The following LIG1 variants were observed in gnomAD, a reference collection of about 807,000 sequenced individuals.
LIG1 encodes ligase I, DNA, ATP-dependent.
A neutral mutation model predicts 115.7 loss-of-function variants in LIG1; 70 were observed. The ratio of observed to expected loss-of-function variants is 0.60; its 90% CI spans 0.50 to 0.74. The LOEUF is 0.74. Ranked by LOEUF, LIG1 falls within the 30% of genes least tolerant of loss-of-function variation. The probability of loss-of-function intolerance (pLI) is 0.00; values close to 1 mark genes in which losing one functional copy is unlikely to be tolerated. For missense variants in LIG1, 1,115 were observed against 1,225.6 expected, an observed-to-expected ratio of 0.91 and a Z score of 1.35; for synonymous variants, 487 against 495.3, an observed-to-expected ratio of 0.98 and a Z score of 0.22.
At chr19:48,123,407 C>G in intron 21 of LIG1, 89 bp from the exon 22 acceptor site, 1 of 1,450,838 alleles carries the variant, frequency 6.9e-7, no homozygotes, top group Non-Finnish European at 9.5e-7. Context: ...AGGACATGTG[C>G]GGGTCACAAC....
intron 11 of LIG1, among the ~76,000 whole-genome samples, chr19:48,141,497 C>T (rs556070314): frequency 6.6e-6 from 1 of 152,280 alleles, no homozygotes; most frequent in East Asian, 1.9e-4. Context: ...TTATTATTTC[C>T]ATTTTACGGA....
chr19:48,141,876 A>C (rs2034780393), intron 11 of LIG1, among the ~76,000 whole-genome samples: 1 of 152,190 alleles, frequency 6.6e-6, no homozygotes, highest in South Asian at 2.1e-4. Flanking sequence ...CAGCCCCCCC[A>C]AAATTCAGGT....
chr19:48,129,810 C>T (rs986647813), intron 19 of LIG1, among the ~76,000 whole-genome samples: 4 of 152,150 alleles, frequency 2.6e-5, no homozygotes, highest in African/African-American at 9.7e-5. Flanking sequence ...GGCTAGAGTA[C>T]AGTGGCCCGA....
At chr19:48,139,116 A>T (rs1490939844) in intron 12 of LIG1, among the ~76,000 whole-genome samples, 1 of 152,178 alleles carries the variant, frequency 6.6e-6, no homozygotes. Flanking sequence ...CATCCCTCCT[A>T]CACTGACCAG....
chr19:48,140,747 G>C (rs766711040), intron 11 of LIG1, among the ~76,000 whole-genome samples: 11 of 151,884 alleles, frequency 7.2e-5, no homozygotes, highest in Non-Finnish European at 1.3e-4. Context: ...TCCCACCCAG[G>C]AACAGAAGAC....
intron 9 of LIG1, among the ~76,000 whole-genome samples, chr19:48,144,494 G>A (rs1162927391): frequency 6.6e-6 from 1 of 152,130 alleles, no homozygotes; most frequent in Non-Finnish European, 1.5e-5. Flanking sequence ...TCAGACATGG[G>A]AGGAAGGGAC....
In LIG1 at chr19:48,162,233, A is replaced by G. The variant is rs1489518383; in HGVS notation, c.107+29T>C. On this transcript the variant is annotated intron_variant, in intron 3 of 27. Coordinates refer to ENST00000263274, the MANE Select transcript of LIG1 (RefSeq NM_000234.3). ...ACAATCCTGACTGCTAAAGGAAAAAATTCACCATATCCCAGCCCTGTGACA... is the reference window on the plus strand; with the variant it reads ...ACAATCCTGACTGCTAAAGGAAAAAGTTCACCATATCCCAGCCCTGTGACA... The G allele has an allele frequency of 1.9e-6, 3 of 1,582,712 alleles. No individual in the cohort carries two copies. In the Admixed American group the frequency reaches 5.0e-5, roughly 26 times the overall value.
chr19:48,120,868 C>T (rs1189897715), intron 24 of LIG1: 1 of 1,022,520 alleles, frequency 9.8e-7, no homozygotes, highest in Non-Finnish European at 1.2e-6. Context: ...CATCAGACTG[C>T]CCCCTCCACA....
At chr19:48,132,240 GC>G (rs1474842942) in intron 18 of LIG1, among the ~76,000 whole-genome samples, 1 of 152,070 alleles carries the variant, frequency 6.6e-6, no homozygotes, top group Admixed American at 6.5e-5. Context: ...AGGTGAGAAG[GC>G]CCCACACTTG....
At chr19:48,161,826 C>CCT (rs1555782019) in intron 3 of LIG1, among the ~76,000 whole-genome samples, 1 of 123,480 alleles carries the variant, frequency 8.1e-6, no homozygotes, top group Non-Finnish European at 1.6e-5. Context: ...ATTGGGATGC[C>CCT]TTTTTTTTTT....
intron 9 of LIG1, among the ~76,000 whole-genome samples, chr19:48,147,636 C>A (rs1306435223): frequency 2.7e-5 from 3 of 110,298 alleles, no homozygotes; most frequent in African/African-American, 1.3e-4. Context: ...CAGAGCAAGA[C>A]CCTGTCTTTA....
chr19:48,134,327 A>G (rs2034239606), intron 16 of LIG1, among the ~76,000 whole-genome samples: 1 of 152,050 alleles, frequency 6.6e-6, no homozygotes, highest in Non-Finnish European at 1.5e-5. Flanking sequence ...TCGGCTACAC[A>G]GGAGACCACT....
chr19:48,157,244 T>C (rs529695323), intron 4 of LIG1, 104 bp from the exon 5 acceptor site: 17 of 1,314,694 alleles, frequency 1.3e-5, no homozygotes, highest in Non-Finnish European at 1.7e-5. Flanking sequence ...CTACCCTCCT[T>C]TCTGACCCTA....
intron 11 of LIG1, among the ~76,000 whole-genome samples, chr19:48,142,289 A>C (rs1010746967): frequency 3.9e-5 from 6 of 151,918 alleles, no homozygotes; most frequent in East Asian, 3.9e-4. Context: ...CACACACACA[A>C]AAAATTAGTT....
Position 48,137,848 on chromosome 19 carries a change from T to G in LIG1, c.1088-160A>C. 4.5e-6 allele frequency: 4 copies of G among 884,258 alleles called. No individual in the cohort carries two copies. The highest frequency in any genetic ancestry group is 7.0e-6 in the Non-Finnish European group (4 of 572,232). 54.8% of individuals were successfully genotyped at this position (884,258 alleles called of 1,614,324 possible). A position where few individuals can be genotyped will look rare whatever the true frequency, so the allele number is the denominator to read the frequency against. ...GCTCACCCACTTGGTAGAAATGGCT[T>G]GGGGAACGTGCCCCCAGCCACGCTG... On this transcript the variant is annotated intron_variant, in intron 12 of 27. Transcript: ENST00000263274. This position sits in a 1 kb window ranked among gnomAD's most constrained non-coding sequence, Gnocchi z 4.3.
intron 24 of LIG1, chr19:48,120,665 G>C (rs954350523): frequency 5.0e-6 from 3 of 605,146 alleles, no homozygotes; most frequent in African/African-American, 4.0e-5. Context: ...TTGAGCAGAA[G>C]GTGTTCACTG....
In LIG1 at chr19:48,162,341, G is replaced by A; in HGVS notation, c.28C>T (p.His10Tyr). 1 of 1,613,140 alleles carries A rather than the reference G, an allele frequency of 6.2e-7. No individual in the cohort carries two copies. Among genetic ancestry groups the A allele is most frequent in the Non-Finnish European group, 8.5e-7 (1 of 1,179,546 alleles). MQRSIMSFF[H>Y]PKKEGKAKKP... ...TTTGCTTTACCCTCTTTCTTGGGGT[G>A]GAAAAATGACCTAGAGGAGCATAAA... The change falls in exon 3 of 28, where the codon CAC becomes TAC. Residue 10 changes from histidine to tyrosine, a missense_variant. His to Tyr is a moderately conservative substitution (Grantham distance 83, BLOSUM62 2). Coordinates refer to ENST00000263274, the MANE Select transcript of LIG1 (RefSeq NM_000234.3).
In LIG1 at chr19:48,137,845, GC is replaced by G; in HGVS notation, c.1088-158del. Reference sequence around the variant, plus strand: ...AACGCTCACCCACTTGGTAGAAATGGCTTGGGGAACGTGCCCCCAGCCACGC... The same window carrying G: ...AACGCTCACCCACTTGGTAGAAATGGTTGGGGAACGTGCCCCCAGCCACGC... On this transcript the variant is annotated intron_variant, in intron 12 of 27. Transcript: ENST00000263274. This position sits in a 1 kb window ranked among gnomAD's most constrained non-coding sequence, Gnocchi z 4.3. 1.1e-6 allele frequency: 1 copy of G among 951,490 alleles called. No individual in the cohort carries two copies. The highest frequency in any genetic ancestry group is 2.1e-4 in the Middle Eastern group (1 of 4,690). The allele number at this position is 951,490 out of a possible 1,614,324, so 58.9% of individuals were successfully genotyped here.
chr19:48,162,436 T>A, intron 2 of LIG1, 85 bp from the exon 3 acceptor site: 4 of 645,224 alleles, frequency 6.2e-6, no homozygotes, highest in Non-Finnish European at 7.1e-6. Context: ...TAACTTCCTT[T>A]TTTTTTTTTT....
Sources: allele counts gnomAD v4.1 joint callset (sites outside exome capture counted in the v4.1 genomes callset), GRCh38; gene constraint gnomAD v4.1.1; non-coding constraint Gnocchi (gnomAD v3.1); transcripts MANE v1.5; gene names NCBI Gene and HGNC (gene_info 2026-07-23, HGNC 2026-07-21).